GRM5: variants seen among roughly 807,000 people sequenced by gnomAD.
GRM5 encodes the protein glutamate metabotropic receptor 5.
A neutral mutation model predicts 83.1 loss-of-function variants in GRM5; 19 were observed. The ratio of observed to expected loss-of-function variants is 0.23; its 90% confidence interval spans 0.16 to 0.34. GRM5 has a LOEUF of 0.34. Among genes scored for constraint, GRM5 ranks in the 10% least tolerant of loss-of-function variants. GRM5 has a pLI of 1.00. For synonymous variants in GRM5, 675 were observed against 633.6 expected (o/e 1.07, Z -0.98); for missense variants, 1,160 against 1,588.3 (o/e 0.73, Z 4.58).
intron 5 of GRM5, among the ~76,000 whole-genome samples, chr11:88,602,413 T>C (rs569749627): frequency 6.6e-6 from 1 of 152,266 alleles, no homozygotes; most frequent in Admixed American, 6.5e-5. Context: ...GTGCTAACAG[T>C]CTGCAAGTGT....
At chr11:88,621,866 T>C (rs570922196) in intron 4 of GRM5, among the ~76,000 whole-genome samples, 1 of 152,276 alleles carries the variant, frequency 6.6e-6, no homozygotes, top group Admixed American at 6.5e-5. Flanking sequence ...CTACAAAGAA[T>C]TGAACCAGAA....
At chr11:88,772,097 G>A (rs1300760467) in intron 3 of GRM5, among the ~76,000 whole-genome samples, 2 of 151,808 alleles carry the variant, frequency 1.3e-5, no homozygotes, top group Non-Finnish European at 2.9e-5. Context: ...ACCCATTGAA[G>A]GACATTTTGT....
At chr11:88,632,054 A>G (rs1314992881) in intron 4 of GRM5, among the ~76,000 whole-genome samples, 1 of 152,050 alleles carries the variant, frequency 6.6e-6, no homozygotes, top group Non-Finnish European at 1.5e-5. Flanking sequence ...GTTTTCACAC[A>G]TGTATACTCT....
chr11:88,782,379 C>T lies in GRM5; in HGVS notation c.911+67527G>A, dbSNP rs139128615. 3.6e-3 allele frequency among the ~76,000 whole-genome samples: 555 copies of T among 152,080 alleles called. 13 individuals are homozygous for T. Among genetic ancestry groups the T allele is most frequent in the Admixed American group, 0.032 (489 of 15,248 alleles). ...CACATCTTACATGGGTGACAGCAGG[C>T]GAAAAGAGAGCTTGTGCAGGGAAAC... On this transcript the variant is annotated intron_variant, in intron 3 of 9. Transcript: ENST00000305447.
At chr11:88,874,741 G>A (rs1419892379) in intron 2 of GRM5, among the ~76,000 whole-genome samples, 1 of 151,902 alleles carries the variant, frequency 6.6e-6, no homozygotes, top group Non-Finnish European at 1.5e-5. Context: ...GGGAAATATT[G>A]CTGTTTTGAT....
chr11:89,018,264 G>C (rs947238595), intron 2 of GRM5, among the ~76,000 whole-genome samples: 1 of 152,078 alleles, frequency 6.6e-6, no homozygotes, highest in Non-Finnish European at 1.5e-5. Flanking sequence ...GAGTATCTGT[G>C]TACCAAATCC....
intron 3 of GRM5, among the ~76,000 whole-genome samples, chr11:88,661,208 A>G (rs1939896893): frequency 6.6e-6 from 1 of 152,216 alleles, no homozygotes. Flanking sequence ...CTCAGTACAT[A>G]CCAAATACTC....
At chr11:88,797,378 G>A (rs999538358) in intron 3 of GRM5, among the ~76,000 whole-genome samples, 10 of 152,122 alleles carry the variant, frequency 6.6e-5, no homozygotes, top group African/African-American at 2.2e-4. Flanking sequence ...CTGACCTCCT[G>A]ATCCATCCGC....
intron 3 of GRM5, among the ~76,000 whole-genome samples, chr11:88,741,719 C>T (rs1262170262): frequency 1.3e-5 from 2 of 151,572 alleles, no homozygotes; most frequent in Admixed American, 1.3e-4. Flanking sequence ...CTAATCTATA[C>T]TATCAAGTAA....
At chr11:89,064,668 A>G (rs1466040106) in intron 1 of GRM5, among the ~76,000 whole-genome samples, 1 of 151,866 alleles carries the variant, frequency 6.6e-6, no homozygotes, top group African/African-American at 2.4e-5. Context: ...AACTGAGTAC[A>G]TGAAGGTTAA....
chr11:88,917,571 G>A (rs1374910607), intron 2 of GRM5, among the ~76,000 whole-genome samples: 2 of 152,000 alleles, frequency 1.3e-5, no homozygotes, highest in African/African-American at 4.8e-5. Flanking sequence ...TTGAAGAAAC[G>A]CAATGAAATT....
At position 89,024,883 on chromosome 11, in the gene GRM5, T is replaced by C. The variant is rs1403507578; in HGVS notation, c.661+22329A>G. On this transcript the variant is annotated intron_variant, in intron 2 of 9. Coordinates refer to ENST00000305447, the MANE Select transcript of GRM5 (RefSeq NM_001143831.3). ...GACTCTCTAAATAACCATAACTGAC[T>C]GTTAAACAAGTGAATATCTCAAAGG... is the stretch of plus-strand genomic sequence containing the variant. Among the ~76,000 whole-genome samples the C allele has an allele frequency of 2.0e-5, 3 of 152,134 alleles. No homozygotes were observed. In the East Asian group the frequency reaches 5.8e-4, roughly 29 times the overall value.
Position 88,733,361 on chromosome 11 carries a change from TTGAGA to T in GRM5, c.912-79963_912-79959del, listed in dbSNP as rs201242752. Among the ~76,000 whole-genome samples the T allele has an allele frequency of 7.6e-3, 1,156 of 152,088 alleles. 16 individuals are homozygous for T. The highest frequency in any genetic ancestry group is 0.026 in the African/African-American group (1,095 of 41,522). On this transcript the variant is annotated intron_variant, in intron 3 of 9. Coordinates refer to ENST00000305447, the MANE Select transcript of GRM5 (RefSeq NM_001143831.3). ...GGAAATCCTGATAAAAATATACAGG[TTGAGA>T]TAAGAAATAATTTTTCAAGTTTATA...
At chr11:88,511,192 C>T (rs879423448) in intron 9 of GRM5, among the ~76,000 whole-genome samples, 47 of 152,320 alleles carry the variant, frequency 3.1e-4, no homozygotes, top group African/African-American at 9.4e-4. Flanking sequence ...ATCTGAGAAA[C>T]TCTGGCAGAA....
intron 2 of GRM5, among the ~76,000 whole-genome samples, chr11:88,995,842 A>G (rs1171187786): frequency 3.9e-5 from 6 of 152,196 alleles, no homozygotes; most frequent in African/African-American, 9.7e-5. Flanking sequence ...CTACAAATGT[A>G]TAAGAAGAAT....
At position 88,510,023 on chromosome 11, in the gene GRM5, C is replaced by T. The variant is rs1029654394; in HGVS notation, c.2727-519G>A. Among the ~76,000 whole-genome samples the T allele has an allele frequency of 2.0e-5, 3 of 152,214 alleles. No homozygotes were observed. In the East Asian group the frequency reaches 5.8e-4, roughly 29 times the overall value. On this transcript the variant is annotated intron_variant, in intron 9 of 9. Transcript: ENST00000305447. ...GAGGTAGTCAGTGGTTCCAGTTCCG[C>T]CTTTATTCTGGAAGTTGGTATATAT...
chr11:88,874,433 C>A (rs548356693), intron 2 of GRM5, among the ~76,000 whole-genome samples: 3 of 151,862 alleles, frequency 2.0e-5, no homozygotes, highest in South Asian at 2.1e-4. Flanking sequence ...TTACAAAAAT[C>A]AACTCAAATT....
At chr11:88,652,960 A>T (rs74759799) in intron 4 of GRM5, among the ~76,000 whole-genome samples, 2 of 152,188 alleles carry the variant, frequency 1.3e-5, no homozygotes, top group South Asian at 2.1e-4. Context: ...GAAATGATCT[A>T]ATCACATAAA....
intron 2 of GRM5, among the ~76,000 whole-genome samples, chr11:88,923,130 G>C (rs1477287038): frequency 6.6e-6 from 1 of 152,054 alleles, no homozygotes; most frequent in Non-Finnish European, 1.5e-5. Context: ...CCACCACTAT[G>C]GAGAACAGTG....
Sources: gnomAD v4.1 joint callset for allele counts (sites outside exome capture counted in the v4.1 genomes callset) on GRCh38, gnomAD v4.1.1 for gene constraint, MANE v1.5 for transcripts, NCBI Gene and HGNC (gene_info 2026-07-23, HGNC 2026-07-21) for gene names.